SNRNP27: variants seen among roughly 807,000 people sequenced by gnomAD.
SNRNP27 encodes the protein U4/U6.U5 small nuclear ribonucleoprotein 27 kDa protein.
SNRNP27 carries 22 observed loss-of-function variants against 25.1 expected under a neutral mutation model. That is an observed-to-expected ratio of 0.88 (90% CI 0.63 to 1.25). The LOEUF (loss-of-function observed/expected upper bound fraction) is 1.25. Ranked by LOEUF, SNRNP27 falls within the 50% of genes most tolerant of loss-of-function variation. SNRNP27 has a pLI of 0.00. For missense variants in SNRNP27, 150 were observed against 202.3 expected (o/e 0.74, Z 1.57); for synonymous variants, 66 against 64.9 (o/e 1.02, Z -0.08).
At chr2:69,895,725 A>AT (rs922500482) in intron 2 of SNRNP27, among the ~76,000 whole-genome samples, 50 of 151,732 alleles carry the variant, frequency 3.3e-4, no homozygotes, top group Admixed American at 1.4e-3. Flanking sequence ...CACCCAGCTA[A>AT]TTTTTTTTGT....
Position 69,893,988 on chromosome 2 carries a change from G to C in SNRNP27, c.4G>C (p.Gly2Arg). The change falls in exon 1 of 6, where the codon GGT becomes CGT. Residue 2 changes from glycine (G) to arginine (R), a missense_variant. By Grantham distance (125) the Gly-to-Arg change is moderately radical. Transcript: ENST00000244227. M[G>R]RSRSRSPRRE... Reference sequence around the variant, plus strand: ...TTTCCGGGAAGCGGGACTCCAAATGGGTCGCAGTCGCAGCCGCTCTCCACG... The same window carrying C: ...TTTCCGGGAAGCGGGACTCCAAATGCGTCGCAGTCGCAGCCGCTCTCCACG... 6.2e-7 allele frequency: 1 copy of C among 1,614,098 alleles called. No homozygotes were observed.
intron 2 of SNRNP27, 90 bp downstream of exon 2, chr2:69,895,304 A>G: frequency 6.7e-7 from 1 of 1,484,650 alleles, no homozygotes; most frequent in Non-Finnish European, 9.1e-7. Flanking sequence ...ATCGCTTATA[A>G]GGGGATTTAC....
intron 3 of SNRNP27, 124 bp from the exon 4 acceptor site, chr2:69,897,253 G>C: frequency 1.6e-6 from 1 of 620,048 alleles, no homozygotes; most frequent in South Asian, 2.2e-5. Context: ...CTCATCTTCA[G>C]CTAATTGTTT....
At chr2:69,900,657 T>C (rs1462179117) in intron 4 of SNRNP27, among the ~76,000 whole-genome samples, 1 of 152,220 alleles carries the variant, frequency 6.6e-6, no homozygotes, top group Non-Finnish European at 1.5e-5. Flanking sequence ...TAGGCTAATC[T>C]TGCATAAGTA....
At position 69,904,436 on chromosome 2, in the gene SNRNP27, C is replaced by G. The variant is rs1046091549; in HGVS notation, c.*128C>G. 2.6e-6 allele frequency: 2 copies of G among 774,358 alleles called. No individual in the cohort carries two copies. Among genetic ancestry groups the G allele is most frequent in the Non-Finnish European group, 4.5e-6 (2 of 441,738 alleles). 48.0% of individuals were successfully genotyped at this position (774,358 alleles called of 1,614,324 possible). The stretch of plus-strand genomic sequence containing the variant: ...CTCCTTTCTTGTAAAGTAAGAAAAT[C>G]TTATTTATGATATATGCAGTTAACT... On this transcript the variant is annotated 3_prime_UTR_variant, in exon 6 of 6. Coordinates refer to ENST00000244227, the MANE Select transcript of SNRNP27 (RefSeq NM_006857.3).
At position 69,895,234 on chromosome 2, in the gene SNRNP27, CAA is replaced by C. The variant is rs1558560590; in HGVS notation, c.155+21_155+22del. ...CTCCCGGTAAGGGCAGAAAATAAGCCAAGAGTTTTATTTACCGAAAGTCCCTA... is the reference window on the plus strand; with the variant it reads ...CTCCCGGTAAGGGCAGAAAATAAGCCGAGTTTTATTTACCGAAAGTCCCTA... On this transcript the variant is annotated intron_variant, in intron 2 of 5. Coordinates refer to ENST00000244227, the MANE Select transcript of SNRNP27 (RefSeq NM_006857.3). 6.2e-7 allele frequency: 1 copy of C among 1,609,048 alleles called. No individual in the cohort carries two copies. Among genetic ancestry groups the C allele is most frequent in the Non-Finnish European group, 8.5e-7 (1 of 1,178,468 alleles).
At chr2:69,896,665 A>T in intron 3 of SNRNP27, 117 bp downstream of exon 3, 2 of 1,011,318 alleles carry the variant, frequency 2.0e-6, no homozygotes, top group Non-Finnish European at 2.7e-6. Flanking sequence ...TATGGTTTTG[A>T]GTTTTTTTTG....
intron 4 of SNRNP27, among the ~76,000 whole-genome samples, chr2:69,902,805 C>T (rs1163654504): frequency 1.3e-5 from 2 of 152,018 alleles, no homozygotes; most frequent in East Asian, 1.9e-4. Context: ...TTTTCTTCTG[C>T]TTCTTCCCCT....
chr2:69,896,572 G>A (rs770556453), intron 3 of SNRNP27, 24 bp downstream of exon 3: 121 of 1,566,630 alleles, frequency 7.7e-5, no homozygotes, highest in Middle Eastern at 6.7e-4. Context: ...ATAAATAACT[G>A]TAGGAAAAGT....
intron 4 of SNRNP27, among the ~76,000 whole-genome samples, chr2:69,901,130 C>T (rs914809602): frequency 2.0e-5 from 3 of 150,756 alleles, no homozygotes; most frequent in Non-Finnish European, 2.9e-5. Flanking sequence ...GCCGAGATTG[C>T]GCCACTGCAC....
At chr2:69,897,183 CT>C (rs940703139) in intron 3 of SNRNP27, among the ~76,000 whole-genome samples, 193 bp from the exon 4 acceptor site, 2 of 150,942 alleles carry the variant, frequency 1.3e-5, no homozygotes, top group South Asian at 2.1e-4. Flanking sequence ...AAGGAGAGGA[CT>C]TTTTTTTTGT....
chr2:69,902,269 C>T (rs1187885267), intron 4 of SNRNP27, among the ~76,000 whole-genome samples: 1 of 142,348 alleles, frequency 7.0e-6, no homozygotes, highest in Non-Finnish European at 1.5e-5. Flanking sequence ...CTTTCTTCTC[C>T]TTCCTCCTCC....
intron 4 of SNRNP27, among the ~76,000 whole-genome samples, chr2:69,902,734 T>TCTG (rs561529767): frequency 1.2e-3 from 180 of 152,086 alleles, no homozygotes; most frequent in African/African-American, 4.2e-3. Context: ...TTCAGTTTCT[T>TCTG]CTGCTGCTGC....
intron 4 of SNRNP27, among the ~76,000 whole-genome samples, chr2:69,900,706 G>A (rs1347071690): frequency 6.6e-6 from 1 of 152,182 alleles, no homozygotes; most frequent in African/African-American, 2.4e-5. Context: ...ACTTGTATGT[G>A]TCACGACGTT....
chr2:69,903,659 A>G (rs1676747880), intron 5 of SNRNP27, among the ~76,000 whole-genome samples: 1 of 152,242 alleles, frequency 6.6e-6, no homozygotes. Context: ...GAACCAATCC[A>G]TACATGAAAT....
In SNRNP27 at chr2:69,895,087, G is replaced by T; in HGVS notation, c.35-7G>T. 6.2e-7 allele frequency: 1 copy of T among 1,612,586 alleles called. No individual in the cohort carries two copies. Among genetic ancestry groups the T allele is most frequent in the East Asian group, 2.2e-5 (1 of 44,886 alleles). On this transcript the variant is annotated splice_polypyrimidine_tract_variant and splice_region_variant and intron_variant, in intron 1 of 5. Coordinates refer to ENST00000244227, the MANE Select transcript of SNRNP27 (RefSeq NM_006857.3). ...TCAGTTCTGCAATTTGTGTGCGTTTGCATTAGAACGTAGGCGTTCCCGGTC... is the reference window on the plus strand; with the variant it reads ...TCAGTTCTGCAATTTGTGTGCGTTTTCATTAGAACGTAGGCGTTCCCGGTC...
chr2:69,894,167 C>T (rs1306789737), intron 1 of SNRNP27, 149 bp downstream of exon 1: 2 of 683,116 alleles, frequency 2.9e-6, no homozygotes, highest in Non-Finnish European at 5.0e-6. Flanking sequence ...GAACGTAGAC[C>T]TGGGCCCTGC....
chr2:69,904,202 A>G, intron 5 of SNRNP27, 52 bp from the exon 6 acceptor site: 2 of 1,228,762 alleles, frequency 1.6e-6, no homozygotes, highest in Middle Eastern at 2.0e-4. Flanking sequence ...TTTTTTTTAT[A>G]AGAGGAGTAT....
intron 3 of SNRNP27, 77 bp downstream of exon 3, chr2:69,896,625 A>T: frequency 7.2e-7 from 1 of 1,394,852 alleles, no homozygotes; most frequent in African/African-American, 1.5e-5. Flanking sequence ...TGAACATTTA[A>T]ATGTTAAGCC....
Sources: gnomAD v4.1 joint callset for allele counts (sites outside exome capture counted in the v4.1 genomes callset) on GRCh38, gnomAD v4.1.1 for gene constraint, MANE v1.5 for transcripts, NCBI Gene and HGNC (gene_info 2026-07-23, HGNC 2026-07-21) for gene names.